Variants in NYAP1 observed in about 807,000 individuals in gnomAD.
The protein encoded by NYAP1 is neuronal tyrosine phosphorylated phosphoinositide-3-kinase adaptor 1.
A neutral mutation model predicts 58.6 loss-of-function variants in NYAP1; 20 were observed. The observed-to-expected ratio is 0.34, with a 90% CI of 0.24 to 0.50. The LOEUF is 0.50. Ranked by LOEUF, NYAP1 falls within the 20% of genes least tolerant of loss-of-function variation. The probability of loss-of-function intolerance (pLI) is 0.98; values close to 1 mark genes in which losing one functional copy is unlikely to be tolerated. For synonymous variants in NYAP1, 572 were observed against 523.1 expected (o/e 1.09, Z -1.27); for missense variants, 1,150 against 1,194.5 (o/e 0.96, Z 0.55).
Position 100,486,575 on chromosome 7 carries a change from C to A in NYAP1, c.69-246C>A, listed in dbSNP as rs563553523. Among the ~76,000 whole-genome samples, 51 of 152,232 alleles carry A rather than the reference C, an allele frequency of 3.4e-4. No homozygotes were observed. The highest frequency in any genetic ancestry group is 1.5e-3 in the Admixed American group (23 of 15,284). ...CTGGGATCCGCCAGCCCCAGGGATGCTCCCCTGCAGGCATACTCACCCCTC... is the reference window on the plus strand; with the variant it reads ...CTGGGATCCGCCAGCCCCAGGGATGATCCCCTGCAGGCATACTCACCCCTC... On this transcript the variant is annotated intron_variant, in intron 2 of 6. Transcript: ENST00000300179. This position sits in a 1 kb window ranked among gnomAD's most constrained non-coding sequence, Gnocchi z 6.2.
rs2131071682 is a variant in NYAP1, at chr7:100,493,934, C to T, written c.*31C>T. 3 of 1,406,726 alleles carry T rather than the reference C, an allele frequency of 2.1e-6. No homozygotes were observed. Among genetic ancestry groups the T allele is most frequent in the East Asian group, 5.6e-5 (2 of 35,792 alleles). 87.1% of individuals were successfully genotyped at this position (1,406,726 alleles called of 1,614,324 possible). On this transcript the variant is annotated 3_prime_UTR_variant, in exon 7 of 7. Coordinates refer to ENST00000300179, the MANE Select transcript of NYAP1 (RefSeq NM_173564.4). ...GCGGGGGGGTACCGGGGCGCCTGGACTGGGGAGGGGGCGGGCACGCCTGGC... is the reference window on the plus strand; with the variant it reads ...GCGGGGGGGTACCGGGGCGCCTGGATTGGGGAGGGGGCGGGCACGCCTGGC...
At chr7:100,484,935 G>C (rs919333186) in intron 1 of NYAP1, among the ~76,000 whole-genome samples, 10 of 152,066 alleles carry the variant, frequency 6.6e-5, no homozygotes, top group African/African-American at 2.4e-4. Context: ...CTGAGGGGTT[G>C]CAGTCCGTTT....
Position 100,487,021 on chromosome 7 carries a change from G to C in NYAP1, c.269G>C (p.Ser90Thr), listed in dbSNP as rs1051877763. The C allele has an allele frequency of 6.2e-6, 10 of 1,608,624 alleles. No homozygotes were observed. The highest frequency in any genetic ancestry group is 8.5e-6 in the Non-Finnish European group (10 of 1,177,474). The change falls in exon 3 of 7, where the codon AGC (serine) becomes ACC (threonine). Residue 90 changes from serine (S) to threonine (T), a missense_variant. Transcript: ENST00000300179. This position sits in a 1 kb window ranked among gnomAD's most constrained non-coding sequence, Gnocchi z 4.1. The stretch of plus-strand genomic sequence containing the variant: ...TCCCTCTCCTGCCACTCGGTGGGCA[G>C]CATGGACAGTGTCGGGGGTGGCCCT... ...PRSLSCHSVG[S>T]MDSVGGGPGG...
chr7:100,493,604 G>GACC, intron 6 of NYAP1, 42 bp from the exon 7 acceptor site: 1 of 1,520,618 alleles, frequency 6.6e-7, no homozygotes, highest in Non-Finnish European at 8.8e-7. Context: ...TGAGGTCCCC[G>GACC]ACCTTACCCG....
At position 100,490,576 on chromosome 7, in the gene NYAP1, C is replaced by T. The variant is rs773577308; in HGVS notation, c.2005C>T (p.Arg669Cys). 9 of 1,585,152 alleles carry T rather than the reference C, an allele frequency of 5.7e-6. No individual in the cohort carries two copies. Among genetic ancestry groups the T allele is most frequent in the African/African-American group, 4.0e-5 (3 of 74,562 alleles). Reference sequence around the variant, plus strand: ...TGCCGAGGGTCCAGGCAAGGTGGAGCGTGAGGACAGGGGCCCTGGGACATC... The same window carrying T: ...TGCCGAGGGTCCAGGCAAGGTGGAGTGTGAGGACAGGGGCCCTGGGACATC... ...GSAEGPGKVE[R>C]EDRGPGTSGI... Residue 669 changes from arginine (R) to cysteine (C), a missense_variant, in exon 5 of 7, where the codon CGT becomes TGT. Physicochemically the swap from Arg to Cys is radical, Grantham distance 180. Coordinates refer to ENST00000300179, the MANE Select transcript of NYAP1 (RefSeq NM_173564.4). The surrounding 1 kb of genome is among the most constrained non-coding windows in gnomAD (Gnocchi z 4.6).
In NYAP1 at chr7:100,493,657, G is replaced by C; in HGVS notation, c.2280G>C (p.Ala760=). 1.3e-6 allele frequency: 2 copies of C among 1,579,990 alleles called. No homozygotes were observed. Among genetic ancestry groups the C allele is most frequent in the Non-Finnish European group, 1.7e-6 (2 of 1,169,116 alleles). ...CGCCCGCGGCACAGCCCCACCCCGC[G>C]CTGCCGCTGCCTCTGCCCCTGCCGC... is the stretch of plus-strand genomic sequence containing the variant. ...PRDALSQPHP[A]LPLPLPLPPQ... is the part of the protein sequence containing the mutation. The change falls in exon 7 of 7, where the codon GCG becomes GCC. Residue 760 remains alanine, a synonymous_variant. Coordinates refer to ENST00000300179, the MANE Select transcript of NYAP1 (RefSeq NM_173564.4).
chr7:100,490,748 A>G lies in NYAP1; in HGVS notation c.2158+19A>G. ...AATGGAGGTGACGCGGCCTGCACAC[A>G]CCTGTGCACAGCGGGGCTGGCTGGG... On this transcript the variant is annotated intron_variant, in intron 5 of 6. Transcript: ENST00000300179. This position sits in a 1 kb window ranked among gnomAD's most constrained non-coding sequence, Gnocchi z 4.6. The G allele has an allele frequency of 7.5e-6, 11 of 1,476,200 alleles. No homozygotes were observed. The highest frequency in any genetic ancestry group is 9.0e-6 in the Non-Finnish European group (10 of 1,107,478). The allele number at this position is 1,476,200 out of a possible 1,614,324, so 91.4% of individuals were successfully genotyped here.
At position 100,488,976 on chromosome 7, in the gene NYAP1, C is replaced by CG; in HGVS notation, c.1261dup (p.Glu421GlyfsTer14). On this transcript the variant is annotated frameshift_variant, in exon 4 of 7. Transcript: ENST00000300179. LOFTEE classifies it high-confidence loss of function. This position sits in a 1 kb window ranked among gnomAD's most constrained non-coding sequence, Gnocchi z 5.9. ...GCCACCCCAGGGCTCTGGCCAGCCC[C>CG]GGGGGGAGCGGGAGCTCCCCAACTC... 2.5e-6 allele frequency: 4 copies of CG among 1,574,000 alleles called. No homozygotes were observed. The highest frequency in any genetic ancestry group is 1.8e-5 in the Admixed American group (1 of 54,146).
rs1015301061 is a variant in NYAP1, at chr7:100,493,953, G to A, written c.*50G>A. ...CCTGGACTGGGGAGGGGGCGGGCACGCCTGGCTCTCCCGGGAGCCTCGCCT... is the reference window on the plus strand; with the variant it reads ...CCTGGACTGGGGAGGGGGCGGGCACACCTGGCTCTCCCGGGAGCCTCGCCT... On this transcript the variant is annotated 3_prime_UTR_variant, in exon 7 of 7. Coordinates refer to ENST00000300179, the MANE Select transcript of NYAP1 (RefSeq NM_173564.4). The A allele has an allele frequency of 5.9e-6, 8 of 1,360,182 alleles. No homozygotes were observed. Among genetic ancestry groups the A allele is most frequent in the Non-Finnish European group, 7.7e-6 (8 of 1,045,232 alleles). The allele number at this position is 1,360,182 out of a possible 1,614,324, so 84.3% of individuals were successfully genotyped here.
chr7:100,490,721 G>T lies in NYAP1; in HGVS notation c.2150G>T (p.Arg717Leu). The T allele has an allele frequency of 6.6e-7, 1 of 1,511,228 alleles. No homozygotes were observed. The highest frequency in any genetic ancestry group is 8.9e-7 in the Non-Finnish European group (1 of 1,126,320). The allele number at this position is 1,511,228 out of a possible 1,614,324, so 93.6% of individuals were successfully genotyped here. Reference protein sequence around the residue: ...IPCQTFPACHRNGDFTGGYRL... With the variant: ...IPCQTFPACHLNGDFTGGYRL... ...TGCCAGACCTTCCCCGCCTGCCACC[G>T]CAATGGAGGTGACGCGGCCTGCACA... The change falls in exon 5 of 7, where the codon CGC (arginine) becomes CTC (leucine). Residue 717 changes from arginine (R) to leucine (L), a missense_variant. By Grantham distance (102) the Arg-to-Leu change is moderately radical (BLOSUM62 -2). Coordinates refer to ENST00000300179, the MANE Select transcript of NYAP1 (RefSeq NM_173564.4). The surrounding 1 kb of genome is among the most constrained non-coding windows in gnomAD (Gnocchi z 4.6).
chr7:100,486,679 C>A lies in NYAP1; in HGVS notation c.69-142C>A. On this transcript the variant is annotated intron_variant, in intron 2 of 6. Transcript: ENST00000300179. The surrounding 1 kb of genome is among the most constrained non-coding windows in gnomAD (Gnocchi z 6.2). The stretch of plus-strand genomic sequence containing the variant: ...GAAGCCCCTTCATTGGTGCCCTGGA[C>A]CTTCTGGCAACCCTGTCCCCACCCA... 1 of 962,688 alleles carries A rather than the reference C, an allele frequency of 1.0e-6. No individual in the cohort carries two copies. Among genetic ancestry groups the A allele is most frequent in the Non-Finnish European group, 1.4e-6 (1 of 693,012 alleles). The allele number at this position is 962,688 out of a possible 1,614,324, so 59.6% of individuals were successfully genotyped here.
chr7:100,493,700 C>T lies in NYAP1; in HGVS notation c.2323C>T (p.Arg775Cys), dbSNP rs1196442881. Residue 775 changes from arginine to cysteine, a missense_variant, in exon 7 of 7, where the codon CGT (arginine) becomes TGT (cysteine). By Grantham distance (180) the Arg-to-Cys change is radical. Transcript: ENST00000300179. The part of the protein sequence containing the change: ...LPLPPQPARE[R>C]DGKLLEVIER... ...CCTGCCGCCCCAGCCGGCCCGCGAG[C>T]GTGACGGGAAGCTGCTGGAGGTGAT... The T allele has an allele frequency of 6.3e-7, 1 of 1,596,030 alleles. No individual in the cohort carries two copies. The highest frequency in any genetic ancestry group is 8.5e-7 in the Non-Finnish European group (1 of 1,175,086).
rs746489758 is a variant in NYAP1 at position 100,487,046 on chromosome 7, T to C, written c.294T>C (p.Pro98=). ...VGSMDSVGGG[P]GGASGGLTED... ...GCATGGACAGTGTCGGGGGTGGCCC[T>C]GGCGGGGCCAGTGGGGGCCTCACAG... Residue 98 remains proline, a synonymous_variant, in exon 3 of 7, where the codon CCT becomes CCC. Coordinates refer to ENST00000300179, the MANE Select transcript of NYAP1 (RefSeq NM_173564.4). The surrounding 1 kb of genome is among the most constrained non-coding windows in gnomAD (Gnocchi z 4.1). The C allele has an allele frequency of 8.1e-6, 13 of 1,601,994 alleles. No homozygotes were observed. In the East Asian group the frequency reaches 2.7e-4, roughly 33 times the overall value.
intron 6 of NYAP1, among the ~76,000 whole-genome samples, chr7:100,492,220 CAG>C (rs1305438924): frequency 6.0e-5 from 9 of 149,390 alleles, no homozygotes; most frequent in Admixed American, 3.3e-4. Context: ...GCCTGGGCGA[CAG>C]AGTTAGACTC....
Position 100,489,463 on chromosome 7 carries a change from C to T in NYAP1, c.1742C>T (p.Ala581Val), listed in dbSNP as rs932684100. The change falls in exon 4 of 7, where the codon GCC becomes GTC. Residue 581 changes from alanine to valine, a missense_variant. By Grantham distance (64) the Ala-to-Val change is moderately conservative. Coordinates refer to ENST00000300179, the MANE Select transcript of NYAP1 (RefSeq NM_173564.4). ...CTGAATAAGGGCTGTGGTGTGGGGGCCCCATCCCCCATGGTCAAGATCCAG... is the reference window on the plus strand; with the variant it reads ...CTGAATAAGGGCTGTGGTGTGGGGGTCCCATCCCCCATGGTCAAGATCCAG... Reference protein sequence around the residue: ...GVLNKGCGVGAPSPMVKIQLQ... With the variant: ...GVLNKGCGVGVPSPMVKIQLQ... 5 of 1,612,840 alleles carry T rather than the reference C, an allele frequency of 3.1e-6. No individual in the cohort carries two copies. Among genetic ancestry groups the T allele is most frequent in the Admixed American group, 1.7e-5 (1 of 59,994 alleles).
rs987977069 is a variant in NYAP1 at position 100,483,970 on chromosome 7, C to G, written c.-116C>G. The G allele has an allele frequency of 1.3e-5, 2 of 153,058 alleles. No individual in the cohort carries two copies. Among genetic ancestry groups the G allele is most frequent in the African/African-American group, 2.4e-5 (1 of 41,464 alleles). The allele number at this position is 153,058 out of a possible 1,614,324, so 9.5% of individuals were successfully genotyped here. A position where few individuals can be genotyped will look rare whatever the true frequency, so the allele number is the denominator to read the frequency against. Reference sequence around the variant, plus strand: ...CCCTCCTCCTGCTCCGGGCGGAGCCCGGCATGGGGGGGCCGGCGCCCGGCA... The same window carrying G: ...CCCTCCTCCTGCTCCGGGCGGAGCCGGGCATGGGGGGGCCGGCGCCCGGCA... On this transcript the variant is annotated 5_prime_UTR_variant, in exon 1 of 7. Transcript: ENST00000300179. This position sits in a 1 kb window ranked among gnomAD's most constrained non-coding sequence, Gnocchi z 4.2.
At chr7:100,484,162 G>A (rs888515815) in intron 1 of NYAP1, among the ~76,000 whole-genome samples, 161 bp downstream of exon 1, 1 of 152,170 alleles carries the variant, frequency 6.6e-6, no homozygotes, top group Admixed American at 6.5e-5. Context: ...GATGGAGAAG[G>A]GGGATGAAGC....
rs149154346 is a variant in NYAP1, at chr7:100,488,406, C to G, written c.685C>G (p.Arg229Gly). 270 of 1,596,642 alleles carry G rather than the reference C, an allele frequency of 1.7e-4. No homozygotes were observed. Among genetic ancestry groups the G allele is most frequent in the Non-Finnish European group, 2.2e-4 (257 of 1,172,582 alleles). Residue 229 changes from arginine (R) to glycine (G), a missense_variant, in exon 4 of 7, where the codon CGA becomes GGA. Physicochemically the swap from Arg to Gly is moderately radical, Grantham distance 125 (BLOSUM62 -2). Transcript: ENST00000300179. The surrounding 1 kb of genome is among the most constrained non-coding windows in gnomAD (Gnocchi z 5.9). ...MVGDVFRGGG[R>G]SGGGLAGPPL... The stretch of plus-strand genomic sequence containing the variant: ...GGGGGACGTCTTTAGGGGAGGAGGA[C>G]GAAGTGGAGGAGGCCTGGCTGGGCC...
rs778765565 is a variant in NYAP1 at position 100,489,494 on chromosome 7, G to A, written c.1773G>A (p.Gln591=). ...CCCCCATGGTCAAGATCCAGCTGCA[G>A]GAGCAAGGGACCGATGGGGGTGCTT... ...APSPMVKIQL[Q]EQGTDGGAFA... Residue 591 remains glutamine (Q), a synonymous_variant, in exon 4 of 7, where the codon CAG becomes CAA. Coordinates refer to ENST00000300179, the MANE Select transcript of NYAP1 (RefSeq NM_173564.4). The A allele has an allele frequency of 2.5e-6, 4 of 1,613,272 alleles. No individual in the cohort carries two copies. The highest frequency in any genetic ancestry group is 3.4e-6 in the Non-Finnish European group (4 of 1,179,978).
Sources: gnomAD v4.1 joint callset for allele counts (sites outside exome capture counted in the v4.1 genomes callset) on GRCh38, gnomAD v4.1.1 for gene constraint, Gnocchi (gnomAD v3.1) non-coding constraint, MANE v1.5 for transcripts, NCBI Gene and HGNC (gene_info 2026-07-23, HGNC 2026-07-21) for gene names.